Variants in IMMP1L observed in about 807,000 individuals in gnomAD.
The protein encoded by IMMP1L is mitochondrial inner membrane protease subunit 1.
A neutral mutation model predicts 21.8 loss-of-function variants in IMMP1L; 24 were observed. That is an observed-to-expected ratio of 1.10 (90% confidence interval 0.80 to 1.55). The LOEUF (loss-of-function observed/expected upper bound fraction) is 1.55. Among genes scored for constraint, IMMP1L ranks in the 40% most tolerant of loss-of-function variants. IMMP1L has a pLI of 0.00. For missense variants in IMMP1L, 195 were observed against 200.7 expected (o/e 0.97, Z 0.17); for synonymous variants, 46 against 62.8 (o/e 0.73, Z 1.26).
intron 4 of IMMP1L, among the ~76,000 whole-genome samples, chr11:31,447,879 A>C (rs1953587069): frequency 6.6e-6 from 1 of 152,180 alleles, no homozygotes; most frequent in African/African-American, 2.4e-5. Flanking sequence ...GGCTAAGATT[A>C]AGTTGTTCAC....
chr11:31,487,855 TATCAGTACTTTC>T (rs1248148682), intron 1 of IMMP1L, among the ~76,000 whole-genome samples: 8 of 152,230 alleles, frequency 5.3e-5, no homozygotes, highest in Non-Finnish European at 1.0e-4. Flanking sequence ...GAAACAAGAC[TATCAGTACTTTC>T]ATCAGGCTCC....
intron 1 of IMMP1L, among the ~76,000 whole-genome samples, chr11:31,487,837 G>T (rs1228399676): frequency 6.6e-6 from 1 of 152,082 alleles, no homozygotes; most frequent in African/African-American, 2.4e-5. Flanking sequence ...AGCAGACAAT[G>T]AAATTTTGAA....
chr11:31,474,632 C>A (rs1165161734), intron 1 of IMMP1L, among the ~76,000 whole-genome samples: 1 of 152,010 alleles, frequency 6.6e-6, no homozygotes, highest in Non-Finnish European at 1.5e-5. Context: ...CTGAGGTGGG[C>A]CATGATCTTA....
chr11:31,482,174 C>A (rs1224068597), intron 1 of IMMP1L, among the ~76,000 whole-genome samples: 1 of 151,914 alleles, frequency 6.6e-6, no homozygotes, highest in Admixed American at 6.6e-5. Flanking sequence ...TTTCTGTCTC[C>A]AGATACAAAC....
intron 1 of IMMP1L, among the ~76,000 whole-genome samples, chr11:31,499,297 G>C (rs1011456854): frequency 1.3e-5 from 2 of 152,032 alleles, no homozygotes; most frequent in Non-Finnish European, 2.9e-5. Context: ...CCCGGGACGC[G>C]GAGCTTGCAG....
intron 4 of IMMP1L, among the ~76,000 whole-genome samples, chr11:31,442,157 GAGGTTTACTTCCTGAGCT>G (rs779052640): frequency 5.6e-4 from 86 of 152,256 alleles, no homozygotes; most frequent in African/African-American, 1.6e-3. Flanking sequence ...TTCTACGACA[GAGGTTTACTTCCTGAGCT>G]AGGTTTACTT....
intron 1 of IMMP1L, chr11:31,477,135 C>T (rs1954754347): frequency 6.6e-6 from 1 of 151,906 alleles, no homozygotes; most frequent in Non-Finnish European, 1.5e-5. Context: ...TTTTATTCAC[C>T]AAAAACATTT....
chr11:31,508,942 A>C (rs1955890565), intron 1 of IMMP1L, among the ~76,000 whole-genome samples: 1 of 152,212 alleles, frequency 6.6e-6, no homozygotes, highest in Non-Finnish European at 1.5e-5. Flanking sequence ...TCTTCCTAGC[A>C]GTTTTTTGGG....
intron 1 of IMMP1L, among the ~76,000 whole-genome samples, chr11:31,493,486 T>A (rs1955323557): frequency 6.6e-6 from 1 of 152,160 alleles, no homozygotes; most frequent in Non-Finnish European, 1.5e-5. Context: ...AAACTGTAAT[T>A]CAAGATGACA....
chr11:31,442,767 A>G (rs1258657753), intron 4 of IMMP1L, among the ~76,000 whole-genome samples: 1 of 151,804 alleles, frequency 6.6e-6, no homozygotes, highest in Non-Finnish European at 1.5e-5. Context: ...TTTAATGATT[A>G]TTTTTTCATT....
intron 1 of IMMP1L, among the ~76,000 whole-genome samples, chr11:31,502,490 T>A (rs1341851054): frequency 6.6e-6 from 1 of 152,242 alleles, no homozygotes; most frequent in African/African-American, 2.4e-5. Flanking sequence ...GATTTATTTA[T>A]TTCTTTAGAG....
At chr11:31,483,201 C>T (rs1954959634) in intron 1 of IMMP1L, among the ~76,000 whole-genome samples, 1 of 151,848 alleles carries the variant, frequency 6.6e-6, no homozygotes, top group Non-Finnish European at 1.5e-5. Flanking sequence ...TTCTGGAGTG[C>T]TGACAATGTT....
chr11:31,504,283 G>C (rs1955717234), intron 1 of IMMP1L, among the ~76,000 whole-genome samples: 2 of 152,168 alleles, frequency 1.3e-5, no homozygotes, highest in Admixed American at 6.5e-5. Flanking sequence ...CAGAATGATA[G>C]AAGATATTTG....
intron 1 of IMMP1L, among the ~76,000 whole-genome samples, chr11:31,480,493 C>T (rs930067193): frequency 6.6e-6 from 1 of 151,960 alleles, no homozygotes; most frequent in Non-Finnish European, 1.5e-5. Context: ...CTATCTTTGT[C>T]ACACACTGGA....
At chr11:31,491,541 A>G in intron 1 of IMMP1L, among the ~76,000 whole-genome samples, 1 of 152,240 alleles carries the variant, frequency 6.6e-6, no homozygotes, top group Non-Finnish European at 1.5e-5. Flanking sequence ...ATTTCCAAGC[A>G]AAGTGTTAAA....
chr11:31,490,433 T>C (rs1024069501), intron 1 of IMMP1L, among the ~76,000 whole-genome samples: 10 of 150,804 alleles, frequency 6.6e-5, no homozygotes, highest in African/African-American at 2.4e-4. Context: ...GATAGCATCA[T>C]TGCACTCCAG....
chr11:31,502,850 AT>A (rs1955664593), intron 1 of IMMP1L, among the ~76,000 whole-genome samples: 1 of 152,214 alleles, frequency 6.6e-6, no homozygotes, highest in South Asian at 2.1e-4. Context: ...TTTGCTAAAA[AT>A]TTTAATGTTT....
At chr11:31,467,096 G>A (rs545852623) in intron 1 of IMMP1L, among the ~76,000 whole-genome samples, 1 of 152,176 alleles carries the variant, frequency 6.6e-6, no homozygotes, top group Non-Finnish European at 1.5e-5. Flanking sequence ...ATGTATCTTA[G>A]TAGTTGTTGG....
At chr11:31,481,604 C>T (rs1954892626) in intron 1 of IMMP1L, among the ~76,000 whole-genome samples, 1 of 151,648 alleles carries the variant, frequency 6.6e-6, no homozygotes, top group African/African-American at 2.4e-5. Flanking sequence ...AATATCAGGG[C>T]ATGAAAAAAC....
Sources: gnomAD v4.1 joint callset for allele counts (sites outside exome capture counted in the v4.1 genomes callset) on GRCh38, gnomAD v4.1.1 for gene constraint, MANE v1.5 for transcripts, NCBI Gene and HGNC (gene_info 2026-07-23, HGNC 2026-07-21) for gene names.